Variants in AVEN observed in about 807,000 individuals in gnomAD.
The protein encoded by AVEN is apoptosis and caspase activation inhibitor, also known as cell death regulator Aven.
AVEN carries 41 observed loss-of-function variants against 38.1 expected under a neutral mutation model. The observed-to-expected ratio is 1.08, with a 90% CI of 0.84 to 1.40. AVEN has a LOEUF of 1.40. Ranked by LOEUF, AVEN falls within the 40% of genes most tolerant of loss-of-function variation. AVEN has a pLI of 0.00. For missense variants in AVEN, 605 were observed against 438.8 expected (o/e 1.38, Z -3.38); for synonymous variants, 206 against 171.8 (o/e 1.20, Z -1.56).
upstream of AVEN, among the ~76,000 whole-genome samples, chr15:34,043,340 C>T (rs952165229): frequency 1.2e-4 from 19 of 152,084 alleles, no homozygotes; most frequent in Non-Finnish European, 2.9e-5. Context: ...GCACTGTCCT[C>T]TTGCAAATAT....
intron 2 of AVEN, among the ~76,000 whole-genome samples, chr15:33,880,197 A>G (rs1263157227): frequency 6.6e-6 from 1 of 152,136 alleles, no homozygotes; most frequent in Non-Finnish European, 1.5e-5. Flanking sequence ...CCCTACCCAA[A>G]AAGACCTGAA....
In AVEN at chr15:33,965,504, A is replaced by C. The variant is rs76607630; in HGVS notation, c.445+37528T>G. On this transcript the variant is annotated intron_variant, in intron 2 of 5. Coordinates refer to ENST00000306730, the MANE Select transcript of AVEN (RefSeq NM_020371.3). ...AATTTTGTAAACAGCTATGAGCATA[A>C]CTCTAGGTATGGACCAAATGTTCTA... Among the ~76,000 whole-genome samples the C allele has an allele frequency of 8.1e-3, 1,237 of 152,214 alleles. 8 individuals carry two copies. Among genetic ancestry groups the C allele is most frequent in the Non-Finnish European group, 0.014 (950 of 67,970 alleles).
intron 2 of AVEN, among the ~76,000 whole-genome samples, chr15:33,936,094 A>G (rs1272629326): frequency 6.6e-6 from 1 of 152,182 alleles, no homozygotes; most frequent in Non-Finnish European, 1.5e-5. Flanking sequence ...CCAACAGCAA[A>G]CATTACATAT....
chr15:33,902,883 G>A (rs914494154), intron 2 of AVEN, among the ~76,000 whole-genome samples: 1 of 152,100 alleles, frequency 6.6e-6, no homozygotes, highest in Non-Finnish European at 1.5e-5. Flanking sequence ...AATCCTGTGT[G>A]TTTATCTTTA....
At chr15:34,006,994 T>C in intron 1 of AVEN, 1 of 874,332 alleles carries the variant, frequency 1.1e-6, no homozygotes, top group Non-Finnish European at 1.4e-6. Flanking sequence ...ATCATTTTCA[T>C]ATAAATATTG....
At chr15:34,073,518 T>C (rs1300544968) in intron 1 of AVEN, among the ~76,000 whole-genome samples, 2 of 101,360 alleles carry the variant, frequency 2.0e-5, no homozygotes, top group South Asian at 3.6e-4. Flanking sequence ...TTTTCTTTTT[T>C]CTTTTTTTTT....
At chr15:34,055,158 C>T (rs1181374098) in intron 5 of AVEN, among the ~76,000 whole-genome samples, 1 of 150,876 alleles carries the variant, frequency 6.6e-6, no homozygotes, top group Admixed American at 6.6e-5. Context: ...CACCATTGCA[C>T]TCCAGCCTGG....
At chr15:34,058,930 T>G (rs1900246800) in intron 5 of AVEN, among the ~76,000 whole-genome samples, 1 of 152,212 alleles carries the variant, frequency 6.6e-6, no homozygotes, top group Admixed American at 6.5e-5. Flanking sequence ...AGAGTCTCAC[T>G]CTGTCGCCCA....
downstream of AVEN, chr15:33,858,235 G>C (rs1473811952): frequency 4.1e-6 from 1 of 245,902 alleles, no homozygotes; most frequent in African/African-American, 2.2e-5. Flanking sequence ...ATGGAGTTTT[G>C]CTTTTGTCGC....
intron 5 of AVEN, among the ~76,000 whole-genome samples, chr15:34,046,359 G>T (rs900844161): frequency 3.0e-5 from 4 of 133,308 alleles, no homozygotes; most frequent in Non-Finnish European, 4.9e-5. Flanking sequence ...AAAAAAAAAC[G>T]GGAAAAAGAG....
At chr15:33,917,317 T>A (rs1728929660) in intron 2 of AVEN, among the ~76,000 whole-genome samples, 1 of 151,094 alleles carries the variant, frequency 6.6e-6, no homozygotes, top group Non-Finnish European at 1.5e-5. Flanking sequence ...CCAGCCTAAA[T>A]GCCCATCAAT....
chr15:34,070,259 C>T (rs1597398867), intron 2 of AVEN, among the ~76,000 whole-genome samples: 6 of 152,158 alleles, frequency 3.9e-5, no homozygotes, highest in African/African-American at 1.4e-4. Context: ...TCCCACAAGA[C>T]ATGGGGATTA....
chr15:33,879,062 G>C (rs1891371217), intron 2 of AVEN, among the ~76,000 whole-genome samples: 1 of 151,732 alleles, frequency 6.6e-6, no homozygotes, highest in Non-Finnish European at 1.5e-5. Context: ...TAAAAATATG[G>C]GTAAAATATA....
At chr15:33,854,135 G>A (rs1052486109), downstream of AVEN, among the ~76,000 whole-genome samples, 4 of 150,664 alleles carry the variant, frequency 2.7e-5, no homozygotes, top group African/African-American at 9.8e-5. Context: ...GGTGGAGGTT[G>A]CAGTAAGCCA....
At chr15:33,997,470 A>T (rs148800612) in intron 2 of AVEN, among the ~76,000 whole-genome samples, 2 of 152,244 alleles carry the variant, frequency 1.3e-5, no homozygotes, top group East Asian at 3.9e-4. Context: ...CTCCACACCA[A>T]CTCACAGCCA....
chr15:34,038,680 CGCG>C, intron 1 of AVEN, 97 bp downstream of exon 1: 1 of 1,046,406 alleles, frequency 9.6e-7, no homozygotes, highest in Non-Finnish European at 1.2e-6. Context: ...GCCCGTCTGG[CGCG>C]CGCCTGGCAC....
intron 1 of AVEN, among the ~76,000 whole-genome samples, chr15:34,020,294 G>A (rs3928443): frequency 0.072 from 10,736 of 148,702 alleles, 525 homozygotes; most frequent in South Asian, 0.22. Flanking sequence ...CTGGGTGACC[G>A]AGCGAGACTC....
chr15:33,902,232 A>G (rs1398341756), intron 2 of AVEN, among the ~76,000 whole-genome samples: 4 of 152,206 alleles, frequency 2.6e-5, no homozygotes, highest in Non-Finnish European at 4.4e-5. Context: ...TTTGTTGATG[A>G]CATCACCAAC....
rs533788693 is a variant in AVEN, at chr15:33,899,460, C to CTTTT, written c.446-23469_446-23466dup. The stretch of plus-strand genomic sequence containing the variant: ...TACATTTATTTGCTTCAGGGAAAAC[C>CTTTT]TTTTTTTTTTTTTTTTTTTTTTTTT... On this transcript the variant is annotated intron_variant, in intron 2 of 5. Coordinates refer to ENST00000306730, the MANE Select transcript of AVEN (RefSeq NM_020371.3). 1.7e-3 allele frequency among the ~76,000 whole-genome samples: 112 copies of CTTTT among 65,436 alleles called. 11 individuals carry two copies. Among genetic ancestry groups the CTTTT allele is most frequent in the African/African-American group, 3.2e-3 (56 of 17,700 alleles). 42.9% of individuals were successfully genotyped at this position (65,436 alleles called of 152,430 possible). A position where few individuals can be genotyped will look rare whatever the true frequency, so the allele number is the denominator to read the frequency against.
Sources: gnomAD v4.1 joint callset for allele counts (sites outside exome capture counted in the v4.1 genomes callset) on GRCh38, gnomAD v4.1.1 for gene constraint, MANE v1.5 for transcripts, NCBI Gene and HGNC (gene_info 2026-07-23, HGNC 2026-07-21) for gene names.